THSD7A: variants seen among roughly 807,000 people sequenced by gnomAD.
THSD7A encodes thrombospondin type-1 domain-containing protein 7A.
THSD7A carries 96 observed loss-of-function variants against 231.3 expected under a neutral mutation model. The observed-to-expected ratio is 0.41, with a 90% confidence interval of 0.35 to 0.49. The LOEUF is 0.49. Ranked by LOEUF, THSD7A falls within the 20% of genes least tolerant of loss-of-function variation. The probability of loss-of-function intolerance (pLI) is 0.05; values close to 1 mark genes in which losing one functional copy is unlikely to be tolerated. For synonymous variants in THSD7A, 940 were observed against 743.3 expected, an observed-to-expected ratio of 1.26 and a Z score of -4.30; for missense variants, 2,290 against 2,070.2, an observed-to-expected ratio of 1.11 and a Z score of -2.06.
At chr7:11,633,910 A>G (rs1781743052) in intron 2 of THSD7A, among the ~76,000 whole-genome samples, 1 of 152,154 alleles carries the variant, frequency 6.6e-6, no homozygotes, top group Admixed American at 6.5e-5. Flanking sequence ...CCTACATGGT[A>G]AAATTGTTTC....
chr7:11,456,314 C>A (rs1184099410), intron 11 of THSD7A, among the ~76,000 whole-genome samples: 4 of 151,874 alleles, frequency 2.6e-5, no homozygotes, highest in Admixed American at 2.6e-4. Context: ...TCACCTTTAG[C>A]CCCTTTTTAA....
At chr7:11,476,823 A>AAG (rs1786207155) in intron 7 of THSD7A, among the ~76,000 whole-genome samples, 1 of 145,346 alleles carries the variant, frequency 6.9e-6, no homozygotes, top group Non-Finnish European at 1.6e-5. Flanking sequence ...TCAGAGAAAA[A>AAG]AAAAAAAAAA....
chr7:11,523,966 A>G lies in THSD7A; in HGVS notation c.1822+17453T>C, dbSNP rs1788371839. Among the ~76,000 whole-genome samples the G allele has an allele frequency of 2.0e-5, 3 of 152,296 alleles. No homozygotes were observed. In the South Asian group the frequency reaches 6.2e-4, roughly 32 times the overall value. On this transcript the variant is annotated intron_variant, in intron 6 of 27. Transcript: ENST00000423059. ...GTATAGATTATTATATTTGAGGTTTATAACATATGTGATTAAACAACATTT... is the reference window on the plus strand; with the variant it reads ...GTATAGATTATTATATTTGAGGTTTGTAACATATGTGATTAAACAACATTT...
intron 9 of THSD7A, among the ~76,000 whole-genome samples, chr7:11,463,710 A>G (rs183544148): frequency 7.9e-5 from 12 of 152,292 alleles, no homozygotes; most frequent in Admixed American, 7.8e-4. Flanking sequence ...AAAGTATTTG[A>G]AAATATTGTC....
Position 11,375,614 on chromosome 7 carries a change from T to C in THSD7A, c.*180A>G, listed in dbSNP as rs1405510426. ...ATTCTCACGGTTGATGGTCTGTATATAAGTGGTACTGTCTTAAATATCTCC... is the reference window on the plus strand; with the variant it reads ...ATTCTCACGGTTGATGGTCTGTATACAAGTGGTACTGTCTTAAATATCTCC... On this transcript the variant is annotated 3_prime_UTR_variant, in exon 28 of 28. Coordinates refer to ENST00000423059, the MANE Select transcript of THSD7A (RefSeq NM_015204.3). 1 of 546,530 alleles carries C rather than the reference T, an allele frequency of 1.8e-6. No homozygotes were observed. Among genetic ancestry groups the C allele is most frequent in the African/African-American group, 1.9e-5 (1 of 51,994 alleles). The allele number at this position is 546,530 out of a possible 1,614,324, so 33.9% of individuals were successfully genotyped here.
intron 6 of THSD7A, among the ~76,000 whole-genome samples, chr7:11,515,873 C>G (rs1435386149): frequency 6.6e-6 from 1 of 152,136 alleles, no homozygotes; most frequent in Non-Finnish European, 1.5e-5. Context: ...ACTGCTTTGG[C>G]TAAGTGAGTT....
chr7:11,709,788 T>C (rs1399178642), intron 1 of THSD7A, among the ~76,000 whole-genome samples: 1 of 150,830 alleles, frequency 6.6e-6, no homozygotes, highest in Non-Finnish European at 1.5e-5. Flanking sequence ...CCACAGAGAA[T>C]ACAGCAAGTT....
chr7:11,450,464 C>A (rs1235877856), intron 11 of THSD7A, among the ~76,000 whole-genome samples: 2 of 151,996 alleles, frequency 1.3e-5, no homozygotes, highest in East Asian at 1.9e-4. Flanking sequence ...ACAATCTGTA[C>A]AATATACTGA....
At chr7:11,809,342 T>C (rs1446392756) in intron 1 of THSD7A, among the ~76,000 whole-genome samples, 1 of 152,192 alleles carries the variant, frequency 6.6e-6, no homozygotes, top group Non-Finnish European at 1.5e-5. Flanking sequence ...CAAGTGGTAT[T>C]TGAACTGATT....
chr7:11,631,258 C>T (rs1251760635), intron 2 of THSD7A, among the ~76,000 whole-genome samples: 1 of 152,170 alleles, frequency 6.6e-6, no homozygotes, highest in Admixed American at 6.5e-5. Context: ...ATCATATAGA[C>T]ACTTCGTTTT....
At position 11,475,555 on chromosome 7, in the gene THSD7A, ATATATATAACATATATG is replaced by A. The variant is rs1018369372; in HGVS notation, c.2018-1004_2018-988del. Among the ~76,000 whole-genome samples, 27 of 149,046 alleles carry A rather than the reference ATATATATAACATATATG, an allele frequency of 1.8e-4. No homozygotes were observed. In the South Asian group the frequency reaches 3.4e-3, roughly 19 times the overall value. ...TTACTTAGAAATCAGGGTTATAAGTATATATATAACATATATGTATATATAACATATATGTATATAAC... is the reference window on the plus strand; with the variant it reads ...TTACTTAGAAATCAGGGTTATAAGTATATATATAACATATATGTATATAAC... On this transcript the variant is annotated intron_variant, in intron 7 of 27. Transcript: ENST00000423059.
intron 19 of THSD7A, among the ~76,000 whole-genome samples, chr7:11,409,697 C>CA (rs1488067443): frequency 2.0e-5 from 3 of 152,112 alleles, no homozygotes; most frequent in Non-Finnish European, 4.4e-5. Context: ...AAGTAGATCA[C>CA]AGCAAGCTCT....
chr7:11,704,761 T>C (rs1780711671), intron 1 of THSD7A, among the ~76,000 whole-genome samples: 1 of 151,090 alleles, frequency 6.6e-6, no homozygotes, highest in Non-Finnish European at 1.5e-5. Context: ...AGTCTATTTA[T>C]GGATTGTGAC....
chr7:11,431,344 G>C (rs191498350), intron 13 of THSD7A, among the ~76,000 whole-genome samples: 1 of 152,078 alleles, frequency 6.6e-6, no homozygotes, highest in African/African-American at 2.4e-5. Context: ...TTATATTTAG[G>C]TGTATGTTTC....
chr7:11,525,916 A>G (rs1788455161), intron 6 of THSD7A, among the ~76,000 whole-genome samples: 1 of 152,174 alleles, frequency 6.6e-6, no homozygotes, highest in Non-Finnish European at 1.5e-5. Flanking sequence ...CATCAGCAGC[A>G]CTGGGTGAAA....
intron 23 of THSD7A, among the ~76,000 whole-genome samples, chr7:11,395,402 A>G (rs1443195904): frequency 6.6e-6 from 1 of 152,182 alleles, no homozygotes; most frequent in African/African-American, 2.4e-5. Flanking sequence ...TGTCAATATT[A>G]GGCAAATCAA....
intron 4 of THSD7A, among the ~76,000 whole-genome samples, chr7:11,586,253 T>C (rs1215106342): frequency 1.3e-5 from 2 of 152,200 alleles, no homozygotes; most frequent in Non-Finnish European, 2.9e-5. Flanking sequence ...AATTTAAAAA[T>C]CTTGTTTTCC....
chr7:11,758,389 G>A (rs1193987482), intron 1 of THSD7A, among the ~76,000 whole-genome samples: 2 of 151,966 alleles, frequency 1.3e-5, no homozygotes, highest in South Asian at 4.1e-4. Flanking sequence ...GATATCAGAG[G>A]AACTCAGATG....
intron 8 of THSD7A, among the ~76,000 whole-genome samples, chr7:11,470,675 T>G (rs938869405): frequency 4.6e-5 from 7 of 151,828 alleles, no homozygotes; most frequent in Non-Finnish European, 1.0e-4. Flanking sequence ...CTTTTTTATG[T>G]TTTTATAAAC....
Sources: gnomAD v4.1 joint callset for allele counts (sites outside exome capture counted in the v4.1 genomes callset) on GRCh38, gnomAD v4.1.1 for gene constraint, MANE v1.5 for transcripts, NCBI Gene and HGNC (gene_info 2026-07-23, HGNC 2026-07-21) for gene names.